The following PPFIA1 variants were observed in gnomAD, a reference collection of about 807,000 sequenced individuals.
The protein encoded by PPFIA1 is liprin-alpha-1.
PPFIA1 carries 25 observed loss-of-function variants against 149.9 expected under a neutral mutation model. The ratio of observed to expected loss-of-function variants is 0.17; its 90% CI spans 0.12 to 0.23. The LOEUF (loss-of-function observed/expected upper bound fraction) is 0.23. Ranked by LOEUF, PPFIA1 falls within the 10% of genes least tolerant of loss-of-function variation. The pLI, the probability that PPFIA1 is intolerant of heterozygous loss-of-function variation, is 1.00. For synonymous variants in PPFIA1, 549 were observed against 552.8 expected, an observed-to-expected ratio of 0.99 and a Z score of 0.10; for missense variants, 1,362 against 1,506.5, an observed-to-expected ratio of 0.90 and a Z score of 1.59.
chr11:70,302,680 C>T (rs2052565598), intron 2 of PPFIA1, among the ~76,000 whole-genome samples: 1 of 151,934 alleles, frequency 6.6e-6, no homozygotes, highest in Admixed American at 6.6e-5. Context: ...GCTGTATGGT[C>T]TCGAACACTA....
chr11:70,372,615 T>A (rs1369531707), intron 23 of PPFIA1, 41 bp downstream of exon 23: 1 of 1,519,860 alleles, frequency 6.6e-7, no homozygotes. Flanking sequence ...TACTCCTACT[T>A]GCTGGTGTGT....
At chr11:70,277,318 TG>T in intron 2 of PPFIA1, among the ~76,000 whole-genome samples, 1 of 151,970 alleles carries the variant, frequency 6.6e-6, no homozygotes, top group South Asian at 2.1e-4. Context: ...CGCTTTTAGC[TG>T]CATCTTACAA....
chr11:70,378,086 G>A lies in PPFIA1; in HGVS notation c.3441G>A (p.Lys1147=). The A allele has an allele frequency of 1.2e-6, 2 of 1,614,134 alleles. No homozygotes were observed. The highest frequency in any genetic ancestry group is 1.7e-6 in the Non-Finnish European group (2 of 1,180,028). ...APSWRKKFRP[K]DIRGLAAGSA... ...CATGGAGAAAAAAGTTTAGACCAAA[G>A]GACATTCGTGGCTTAGCTGCTGGGT... Residue 1147 remains lysine (K), a synonymous_variant, in exon 26 of 28, where the codon AAG becomes AAA. Coordinates refer to ENST00000253925, the MANE Select transcript of PPFIA1 (RefSeq NM_003626.5).
In PPFIA1 at chr11:70,301,404, C is replaced by T. The variant is rs185158341; in HGVS notation, c.265-22998C>T. ...TGAAGATAACATCTGCATTGGGCTGCGAGTCCCAAGCCACTTACTAGCTGA... is the reference window on the plus strand; with the variant it reads ...TGAAGATAACATCTGCATTGGGCTGTGAGTCCCAAGCCACTTACTAGCTGA... On this transcript the variant is annotated intron_variant, in intron 2 of 27. Coordinates refer to ENST00000253925, the MANE Select transcript of PPFIA1 (RefSeq NM_003626.5). Among the ~76,000 whole-genome samples, 151 of 152,278 alleles carry T rather than the reference C, an allele frequency of 9.9e-4. 1 individual carries two copies. The highest frequency in any genetic ancestry group is 4.1e-3 in the South Asian group (20 of 4,826).
At chr11:70,314,317 G>T (rs1365085781) in intron 2 of PPFIA1, among the ~76,000 whole-genome samples, 1 of 152,180 alleles carries the variant, frequency 6.6e-6, no homozygotes, top group Non-Finnish European at 1.5e-5. Context: ...TTGCAGTGGT[G>T]AGTAAGGGGC....
chr11:70,290,166 G>A (rs1188355493), intron 2 of PPFIA1, among the ~76,000 whole-genome samples: 2 of 152,140 alleles, frequency 1.3e-5, no homozygotes, highest in Admixed American at 6.5e-5. Context: ...AGAGATGGAG[G>A]TTGCAGTGAT....
At chr11:70,285,136 A>G (rs1453982731) in intron 2 of PPFIA1, among the ~76,000 whole-genome samples, 1 of 152,000 alleles carries the variant, frequency 6.6e-6, no homozygotes, top group East Asian at 2.0e-4. Flanking sequence ...CCTCCCAAGT[A>G]GCTGGGATTA....
chr11:70,339,130 T>G (rs1446520130), intron 13 of PPFIA1, 41 bp from the exon 14 acceptor site: 16 of 1,607,772 alleles, frequency 1.0e-5, no homozygotes, highest in Non-Finnish European at 1.4e-5. Flanking sequence ...GTTTATTTTC[T>G]TTTCTTCTAA....
At chr11:70,272,019 G>A (rs966080933) in intron 1 of PPFIA1, 154 bp from the exon 2 acceptor site, 2 of 850,288 alleles carry the variant, frequency 2.4e-6, no homozygotes, top group Admixed American at 2.3e-5. Context: ...TTTGCCCTGT[G>A]TATGTTTTCC....
At chr11:70,306,997 A>G (rs971368336) in intron 2 of PPFIA1, among the ~76,000 whole-genome samples, 2 of 152,202 alleles carry the variant, frequency 1.3e-5, no homozygotes, top group Non-Finnish European at 2.9e-5. Flanking sequence ...ACATGCACCC[A>G]GTTGAGTACA....
intron 2 of PPFIA1, among the ~76,000 whole-genome samples, chr11:70,285,151 C>T (rs192725801): frequency 9.2e-5 from 14 of 152,096 alleles, no homozygotes; most frequent in African/African-American, 2.9e-4. Flanking sequence ...GGATTACAGG[C>T]GCCCGCCACC....
chr11:70,324,758 T>G, intron 3 of PPFIA1, 89 bp from the exon 4 acceptor site: 7 of 1,254,986 alleles, frequency 5.6e-6, no homozygotes, highest in Non-Finnish European at 7.7e-6. Context: ...CATTTTAGTA[T>G]GAGACTGTAA....
At chr11:70,321,941 C>T (rs1033910349) in intron 2 of PPFIA1, among the ~76,000 whole-genome samples, 5 of 152,190 alleles carry the variant, frequency 3.3e-5, no homozygotes, top group African/African-American at 1.2e-4. Flanking sequence ...GCAATCTCGG[C>T]CCACCGGAAC....
At chr11:70,349,404 G>C (rs1454411241) in intron 16 of PPFIA1, among the ~76,000 whole-genome samples, 1 of 152,138 alleles carries the variant, frequency 6.6e-6, no homozygotes, top group Non-Finnish European at 1.5e-5. Context: ...GCCAAGGTGG[G>C]AGGATTGCTT....
chr11:70,300,598 G>A (rs112522083), intron 2 of PPFIA1, among the ~76,000 whole-genome samples: 2,387 of 150,120 alleles, frequency 0.016, 35 homozygotes, highest in Admixed American at 0.028. Flanking sequence ...GCAGTGGCGT[G>A]ATCTCGGCCC....
chr11:70,365,265 T>C, intron 21 of PPFIA1: 1 of 381,396 alleles, frequency 2.6e-6, no homozygotes, highest in Non-Finnish European at 5.3e-6. Context: ...GAGCGAACTT[T>C]GCCTCCTCGG....
intron 2 of PPFIA1, among the ~76,000 whole-genome samples, chr11:70,290,261 C>G (rs2051439435): frequency 6.6e-6 from 1 of 151,998 alleles, no homozygotes; most frequent in Admixed American, 6.6e-5. Context: ...TTCAAACACA[C>G]AAAACATTTA....
chr11:70,377,725 T>A (rs6592552), intron 25 of PPFIA1, among the ~76,000 whole-genome samples: 27,060 of 152,120 alleles, frequency 0.18, 3,164 homozygotes, highest in African/African-American at 0.32. Flanking sequence ...CGTATTACGT[T>A]GCAAGAAAGT....
Position 70,326,713 on chromosome 11 carries a change from C to G in PPFIA1, c.825C>G (p.Ser275=). ...EQSQMKERLA[S]LSSHVTELEE... is the part of the protein sequence containing the mutation. ...GCCAAATGAAAGAACGCCTGGCTTC[C>G]CTTTCCAGTCATGTGACAGAACTGG... Residue 275 remains serine (S), a synonymous_variant, in exon 7 of 28, where the codon TCC becomes TCG. Transcript: ENST00000253925. The G allele has an allele frequency of 6.2e-7, 1 of 1,614,088 alleles. No homozygotes were observed. The highest frequency in any genetic ancestry group is 8.5e-7 in the Non-Finnish European group (1 of 1,180,006).
Sources: allele counts gnomAD v4.1 joint callset (sites outside exome capture counted in the v4.1 genomes callset), GRCh38; gene constraint gnomAD v4.1.1; transcripts MANE v1.5; gene names NCBI Gene and HGNC (gene_info 2026-07-23, HGNC 2026-07-21).